The following RABGEF1 variants were observed in gnomAD, a reference collection of about 807,000 sequenced individuals.
RABGEF1 encodes RAB guanine nucleotide exchange factor 1.
Under a neutral mutation model 57.3 loss-of-function variants are expected in RABGEF1, and 26 were observed. That is an observed-to-expected ratio of 0.45 (90% CI 0.33 to 0.63). The LOEUF (loss-of-function observed/expected upper bound fraction) is 0.63, where lower values mean the gene tolerates loss of function less well. RABGEF1 is among the 20% of genes least tolerant of loss of function. The pLI is 0.02. For synonymous variants in RABGEF1, 185 were observed against 210.7 expected, an observed-to-expected ratio of 0.88 and a Z score of 1.06; for missense variants, 464 against 607.6, an observed-to-expected ratio of 0.76 and a Z score of 2.48.
At chr7:66,781,736 G>T (rs1256873427) in intron 3 of RABGEF1, among the ~76,000 whole-genome samples, 1 of 152,104 alleles carries the variant, frequency 6.6e-6, no homozygotes, top group Admixed American at 6.6e-5. Context: ...TCTCCCCTCC[G>T]TAGTGTTTGC....
intron 4 of RABGEF1, among the ~76,000 whole-genome samples, chr7:66,794,796 G>A (rs1813623153): frequency 6.6e-6 from 1 of 152,174 alleles, no homozygotes; most frequent in Non-Finnish European, 1.5e-5. Flanking sequence ...GTGCACAACA[G>A]TGAAAGAGGG....
At chr7:66,764,538 T>G (rs1310761890) in intron 1 of RABGEF1, among the ~76,000 whole-genome samples, 1 of 152,238 alleles carries the variant, frequency 6.6e-6, no homozygotes, top group Non-Finnish European at 1.5e-5. Context: ...AAATCCAATA[T>G]CATGAAAATT....
intron 6 of RABGEF1, among the ~76,000 whole-genome samples, chr7:66,798,313 C>T (rs187820699): frequency 4.9e-4 from 74 of 152,228 alleles, no homozygotes; most frequent in African/African-American, 1.7e-3. Context: ...AGAGACCACC[C>T]AAGTGTGGGA....
intron 7 of RABGEF1, among the ~76,000 whole-genome samples, chr7:66,800,208 A>G (rs143650632): frequency 6.6e-6 from 1 of 152,348 alleles, no homozygotes; most frequent in African/African-American, 2.4e-5. Context: ...CTTTTGTTAC[A>G]GGAACCAGAG....
At chr7:66,678,200 G>C (rs1383803070), upstream of RABGEF1, among the ~76,000 whole-genome samples, 1 of 152,074 alleles carries the variant, frequency 6.6e-6, no homozygotes, top group Non-Finnish European at 1.5e-5. Flanking sequence ...CTTCCTCAAG[G>C]CAATTCTCTT....
chr7:66,798,457 G>A (rs1161611328), intron 6 of RABGEF1, among the ~76,000 whole-genome samples: 1 of 152,192 alleles, frequency 6.6e-6, no homozygotes, highest in African/African-American at 2.4e-5. Context: ...TTGATACTGG[G>A]CAGGCTGAAG....
intron 2 of RABGEF1, among the ~76,000 whole-genome samples, chr7:66,713,235 G>C (rs1307544579): frequency 2.0e-5 from 3 of 150,884 alleles, no homozygotes; most frequent in Non-Finnish European, 4.4e-5. Flanking sequence ...TCTGCTTCCC[G>C]GGTTCATGCC....
intron 1 of RABGEF1, among the ~76,000 whole-genome samples, chr7:66,771,420 T>G (rs1807102001): frequency 1.3e-5 from 2 of 152,204 alleles, no homozygotes; most frequent in Admixed American, 6.5e-5. Flanking sequence ...ATTACAGGTG[T>G]GAGCCACCAC....
intron 2 of RABGEF1, among the ~76,000 whole-genome samples, chr7:66,726,169 C>T (rs1365013705): frequency 1.3e-5 from 2 of 152,184 alleles, no homozygotes; most frequent in African/African-American, 4.8e-5. Flanking sequence ...GCTTTGCCCA[C>T]AGCTGGGACC....
intron 1 of RABGEF1, among the ~76,000 whole-genome samples, chr7:66,706,688 A>G (rs1457298810): frequency 6.6e-6 from 1 of 151,248 alleles, no homozygotes; most frequent in Non-Finnish European, 1.5e-5. Flanking sequence ...TGCTAGGATT[A>G]CAGGTGTGAG....
chr7:66,688,226 T>G (rs187954585), intron 1 of RABGEF1, among the ~76,000 whole-genome samples: 1 of 151,566 alleles, frequency 6.6e-6, no homozygotes, highest in African/African-American at 2.4e-5. Context: ...CAAGAAGATA[T>G]AACAATTTAA....
chr7:66,803,547 G>T (rs189255813), intron 7 of RABGEF1, among the ~76,000 whole-genome samples: 2 of 152,364 alleles, frequency 1.3e-5, no homozygotes, highest in East Asian at 1.9e-4. Flanking sequence ...TTGGAAAAGG[G>T]TGGGCATTCA....
intron 1 of RABGEF1, among the ~76,000 whole-genome samples, chr7:66,769,225 C>T (rs1158792879): frequency 6.6e-6 from 1 of 152,176 alleles, no homozygotes; most frequent in African/African-American, 2.4e-5. Flanking sequence ...CTCCATTTTG[C>T]TTTTCAGAAT....
At chr7:66,788,385 A>G (rs1212214491) in intron 4 of RABGEF1, among the ~76,000 whole-genome samples, 1 of 151,978 alleles carries the variant, frequency 6.6e-6, no homozygotes, top group African/African-American at 2.4e-5. Flanking sequence ...GTGGGGTTGC[A>G]GTGAGCTGAG....
At chr7:66,791,948 C>T (rs1812767338) in intron 4 of RABGEF1, among the ~76,000 whole-genome samples, 1 of 152,028 alleles carries the variant, frequency 6.6e-6, no homozygotes, top group South Asian at 2.1e-4. Context: ...CCTGTCTCTA[C>T]TAGAAATAAA....
At chr7:66,705,915 A>T (rs1794005360) in intron 1 of RABGEF1, among the ~76,000 whole-genome samples, 6 of 73,650 alleles carry the variant, frequency 8.1e-5, no homozygotes, top group East Asian at 4.2e-4. Flanking sequence ...TTTTTTTTTG[A>T]GACGGAGTCT....
chr7:66,769,177 C>T (rs1806466860), intron 1 of RABGEF1, among the ~76,000 whole-genome samples: 1 of 152,220 alleles, frequency 6.6e-6, no homozygotes, highest in Non-Finnish European at 1.5e-5. Context: ...ATCTCTTAGA[C>T]AGCTGGGTGA....
chr7:66,808,311 G>A (rs1788888598), intron 8 of RABGEF1, among the ~76,000 whole-genome samples: 1 of 151,900 alleles, frequency 6.6e-6, no homozygotes, highest in African/African-American at 2.4e-5. Flanking sequence ...CGCCTCCCAG[G>A]TTCAAGCAAT....
At chr7:66,801,830 G>C (rs1180356837) in intron 7 of RABGEF1, among the ~76,000 whole-genome samples, 1 of 152,138 alleles carries the variant, frequency 6.6e-6, no homozygotes, top group Admixed American at 6.5e-5. Flanking sequence ...GTGGCTATGG[G>C]GGCAGTGGTT....
Sources: gnomAD v4.1 joint callset for allele counts (sites outside exome capture counted in the v4.1 genomes callset) on GRCh38, gnomAD v4.1.1 for gene constraint, MANE v1.5 for transcripts, NCBI Gene and HGNC (gene_info 2026-07-23, HGNC 2026-07-21) for gene names.